Variants in NLRC5 observed in about 807,000 individuals in gnomAD.
The protein encoded by NLRC5 is protein NLRC5.
Under a neutral mutation model 206.9 loss-of-function variants are expected in NLRC5, and 114 were observed. The ratio of observed to expected loss-of-function variants is 0.55; its 90% CI spans 0.47 to 0.64. NLRC5 has a LOEUF of 0.64. Ranked by LOEUF, NLRC5 falls within the 30% of genes least tolerant of loss-of-function variation. The pLI is 0.00. For missense variants in NLRC5, 2,008 were observed against 2,305.5 expected, an observed-to-expected ratio of 0.87 and a Z score of 2.64; for synonymous variants, 952 against 962.8, an observed-to-expected ratio of 0.99 and a Z score of 0.21.
In NLRC5 at chr16:57,070,592, G is replaced by A; in HGVS notation, c.4641G>A (p.Glu1547=). The stretch of plus-strand genomic sequence containing the variant: ...CCAAGGCGCTGATGAGGGCCCTTGA[G>A]GGGAAATGGATGCTAAAGAGGCTGG... ...EGTKALMRAL[E]GKWMLKRLDL... Residue 1547 remains glutamate, a synonymous_variant, in exon 38 of 49, where the codon GAG becomes GAA. Coordinates refer to ENST00000688547, the MANE Select transcript of NLRC5 (RefSeq NM_001384950.1). 1 of 1,614,168 alleles carries A rather than the reference G, an allele frequency of 6.2e-7. No homozygotes were observed. The highest frequency in any genetic ancestry group is 2.2e-5 in the East Asian group (1 of 44,890).
At chr16:57,022,110 A>G (rs1398377536) in intron 3 of NLRC5, 146 bp from the exon 4 acceptor site, 23 of 604,762 alleles carry the variant, frequency 3.8e-5, no homozygotes, top group Non-Finnish European at 6.4e-5. Flanking sequence ...CATTTTCTCC[A>G]CAACAGATAA....
chr16:57,050,871 G>A (rs114541993), intron 23 of NLRC5, among the ~76,000 whole-genome samples: 1,630 of 152,002 alleles, frequency 0.011, 28 homozygotes, highest in African/African-American at 0.036. Context: ...TTATTTTTTT[G>A]AGATAGAGAC....
chr16:57,052,594 G>C (rs569690151), intron 24 of NLRC5: 1 of 152,326 alleles, frequency 6.6e-6, no homozygotes, highest in African/African-American at 2.4e-5. Context: ...AATACAGCAG[G>C]AAAGTAAATC....
At chr16:57,070,221 G>A (rs2067480693) in intron 37 of NLRC5, among the ~76,000 whole-genome samples, 1 of 150,038 alleles carries the variant, frequency 6.7e-6, no homozygotes, top group South Asian at 2.1e-4. Context: ...TGGGAGTCAG[G>A]CTACGGAGAG....
intron 1 of NLRC5, chr16:57,013,652 G>T (rs2059730480): frequency 5.3e-6 from 5 of 938,196 alleles, no homozygotes; most frequent in Non-Finnish European, 8.8e-6. Flanking sequence ...TCCAACTTCA[G>T]CCATTTGAAT....
chr16:57,072,941 A>G (rs2067959174), intron 38 of NLRC5, among the ~76,000 whole-genome samples: 1 of 152,060 alleles, frequency 6.6e-6, no homozygotes, highest in African/African-American at 2.4e-5. Flanking sequence ...AGGTAAAAGG[A>G]GAAGAGGGAT....
At chr16:57,074,753 A>T (rs2068151099) in intron 39 of NLRC5, 70 bp downstream of exon 39, 1 of 1,463,406 alleles carries the variant, frequency 6.8e-7, no homozygotes, top group African/African-American at 1.4e-5. Context: ...GACCACATCC[A>T]GGGAAGCACT....
rs544992378 is a variant in NLRC5, at chr16:57,010,299, T to C, written c.-127-6775T>C. ...AACTGCTTTTCCAGTAGAAATGTAG[T>C]GTCCTTATCACACATGCATAAATGT... On this transcript the variant is annotated intron_variant, in intron 1 of 48. Coordinates refer to ENST00000688547, the MANE Select transcript of NLRC5 (RefSeq NM_001384950.1). 1.4e-4 allele frequency among the ~76,000 whole-genome samples: 21 copies of C among 152,350 alleles called. No homozygotes were observed. In the South Asian group the frequency reaches 1.7e-3, roughly 12 times the overall value.
chr16:57,040,039 G>A (rs1287723874), intron 16 of NLRC5, among the ~76,000 whole-genome samples, 190 bp downstream of exon 16: 6 of 152,326 alleles, frequency 3.9e-5, no homozygotes, highest in East Asian at 1.9e-4. Context: ...GACCACCTCC[G>A]CCTCTCATGG....
intron 1 of NLRC5, among the ~76,000 whole-genome samples, chr16:57,001,550 C>T (rs186326410): frequency 1.5e-3 from 225 of 152,312 alleles, no homozygotes; most frequent in Non-Finnish European, 2.6e-3. Context: ...GCGATAGCAA[C>T]GACAACCACA....
intron 32 of NLRC5, 31 bp from the exon 33 acceptor site, chr16:57,065,181 G>C: frequency 1.4e-6 from 2 of 1,434,334 alleles, no homozygotes; most frequent in Non-Finnish European, 1.9e-6. Context: ...TCACCTTGGG[G>C]GGGCCTTATC....
At chr16:57,047,159 G>A (rs1277980432) in intron 22 of NLRC5, among the ~76,000 whole-genome samples, 1 of 152,224 alleles carries the variant, frequency 6.6e-6, no homozygotes, top group Non-Finnish European at 1.5e-5. Context: ...ACAGGGAGAG[G>A]CCTGGTCAGA....
At chr16:57,038,504 T>A (rs757692719) in intron 15 of NLRC5, among the ~76,000 whole-genome samples, 57 of 152,184 alleles carry the variant, frequency 3.7e-4, no homozygotes, top group Non-Finnish European at 7.2e-4. Context: ...GTGATCCTCC[T>A]GCCCTGGCCT....
chr16:57,024,786 G>A (rs1452211631), intron 5 of NLRC5, among the ~76,000 whole-genome samples: 1 of 152,204 alleles, frequency 6.6e-6, no homozygotes, highest in Non-Finnish European at 1.5e-5. Flanking sequence ...GAGGCAGGTG[G>A]ATCAGTTGAG....
intron 1 of NLRC5, among the ~76,000 whole-genome samples, chr16:57,005,159 C>T (rs919953526): frequency 2.6e-5 from 4 of 152,174 alleles, no homozygotes; most frequent in South Asian, 2.1e-4. Flanking sequence ...GAAAGTTCAT[C>T]GGGTTTTATT....
At chr16:57,049,414 A>G (rs993119082) in intron 23 of NLRC5, among the ~76,000 whole-genome samples, 8 of 152,216 alleles carry the variant, frequency 5.3e-5, no homozygotes, top group African/African-American at 1.9e-4. Flanking sequence ...TGGCCAAGGC[A>G]AATCATCTGC....
intron 38 of NLRC5, among the ~76,000 whole-genome samples, chr16:57,072,249 T>C (rs1203887444): frequency 6.6e-6 from 1 of 152,106 alleles, no homozygotes; most frequent in Admixed American, 6.6e-5. Flanking sequence ...CTCAGCTTAG[T>C]GGAAAGGGAG....
intron 36 of NLRC5, 71 bp from the exon 37 acceptor site, chr16:57,069,765 C>T: frequency 1.6e-6 from 2 of 1,262,744 alleles, no homozygotes; most frequent in Non-Finnish European, 2.3e-6. Context: ...TTGCCCTCTG[C>T]CACCAGCATT....
rs1460024689 is a variant in NLRC5, at chr16:57,023,635, T to C, written c.356-150T>C. The C allele has an allele frequency of 1.2e-5, 7 of 596,140 alleles. No homozygotes were observed. The African/African-American group carries it at 1.3e-4, about 11-fold the overall frequency. The allele number at this position is 596,140 out of a possible 1,614,324, so 36.9% of individuals were successfully genotyped here. On this transcript the variant is annotated intron_variant, in intron 4 of 48. Transcript: ENST00000688547. ...TAGAAGCTGGTGTTGACCCAGCCTC[T>C]GCCTGCTGCCTGCCTTTCCAGTCCC...
Sources: allele counts gnomAD v4.1 joint callset (sites outside exome capture counted in the v4.1 genomes callset), GRCh38; gene constraint gnomAD v4.1.1; transcripts MANE v1.5; gene names NCBI Gene and HGNC (gene_info 2026-07-23, HGNC 2026-07-21).